The following SCNN1A variants were observed in gnomAD, a reference collection of about 807,000 sequenced individuals.
SCNN1A encodes the protein epithelial sodium channel subunit alpha.
SCNN1A carries 65 observed loss-of-function variants against 68.6 expected under a neutral mutation model. The observed-to-expected ratio is 0.95, with a 90% CI of 0.78 to 1.16. The LOEUF (loss-of-function observed/expected upper bound fraction) is 1.16. Among genes scored for constraint, SCNN1A ranks in the 50% most tolerant of loss-of-function variants. The pLI is 0.00. For missense variants in SCNN1A, 880 were observed against 865.9 expected, an observed-to-expected ratio of 1.02 and a Z score of -0.20; for synonymous variants, 357 against 353.3, an observed-to-expected ratio of 1.01 and a Z score of -0.12.
Position 6,349,311 on chromosome 12 carries a change from G to C in SCNN1A, c.1439+16C>G. 6.2e-7 allele frequency: 1 copy of C among 1,613,632 alleles called. No individual in the cohort carries two copies. The highest frequency in any genetic ancestry group is 8.5e-7 in the Non-Finnish European group (1 of 1,179,636). On this transcript the variant is annotated intron_variant, in intron 9 of 12. Transcript: ENST00000228916. ...TGTATTCTACCCAACCTGTACCCGG[G>C]GAAGGGGACACTAACCTGCATGGCT...
rs1289934352 is a variant in SCNN1A, at chr12:6,351,300, G to A, written c.1361-1895C>T. 6.6e-6 allele frequency among the ~76,000 whole-genome samples: 1 copy of A among 152,116 alleles called. No homozygotes were observed. Among genetic ancestry groups the A allele is most frequent in the South Asian group, 2.1e-4 (1 of 4,826 alleles). On this transcript the variant is annotated intron_variant, in intron 8 of 12. Coordinates refer to ENST00000228916, the MANE Select transcript of SCNN1A (RefSeq NM_001038.6). This position sits in a 1 kb window ranked among gnomAD's most constrained non-coding sequence, Gnocchi z 4.2. ...TAAGTGAAATAAGGCAGACACGAGG[G>A]TCACACACTCTAAGATTCCATCTAT... is the stretch of plus-strand genomic sequence containing the variant.
At position 6,374,856 on chromosome 12, in the gene SCNN1A, G is replaced by T. The variant is rs1434173867; in HGVS notation, c.-54-19C>A. The stretch of plus-strand genomic sequence containing the variant: ...TGTTCCCCTTCATGAGCCCCGGAGT[G>T]GATTGGGGAGAGCAAGGGTCAGGGT... On this transcript the variant is annotated intron_variant, in intron 1 of 12. Transcript: ENST00000228916. The surrounding 1 kb of genome is among the most constrained non-coding windows in gnomAD (Gnocchi z 6.2). 4 of 1,614,120 alleles carry T rather than the reference G, an allele frequency of 2.5e-6. No homozygotes were observed. Among genetic ancestry groups the T allele is most frequent in the Non-Finnish European group, 3.4e-6 (4 of 1,180,014 alleles).
chr12:6,364,713 G>A lies in SCNN1A; in HGVS notation c.417-1003C>T, dbSNP rs550368432. 6.6e-5 allele frequency among the ~76,000 whole-genome samples: 10 copies of A among 151,206 alleles called. No individual in the cohort carries two copies. The South Asian group carries it at 2.1e-3, about 31-fold the overall frequency. ...GGAGACAGAGCTTGCAGTGAGCCGA[G>A]ATCGCGCCACTACACTCCAGCCTGG... On this transcript the variant is annotated intron_variant, in intron 2 of 12. Coordinates refer to ENST00000228916, the MANE Select transcript of SCNN1A (RefSeq NM_001038.6).
Position 6,374,247 on chromosome 12 carries a change from G to T in SCNN1A, c.416+121C>A. The T allele has an allele frequency of 9.0e-7, 1 of 1,111,616 alleles. No individual in the cohort carries two copies. Among genetic ancestry groups the T allele is most frequent in the Non-Finnish European group, 1.3e-6 (1 of 768,250 alleles). The allele number at this position is 1,111,616 out of a possible 1,614,324, so 68.9% of individuals were successfully genotyped here. A position where few individuals can be genotyped will look rare whatever the true frequency, so the allele number is the denominator to read the frequency against. ...TTTTGCCAGCAGTGAGCTCTACCTG[G>T]GACAGGGGTGTCAGTTCCCACCCTC... On this transcript the variant is annotated intron_variant, in intron 2 of 12. Transcript: ENST00000228916. This position sits in a 1 kb window ranked among gnomAD's most constrained non-coding sequence, Gnocchi z 6.2.
intron 2 of SCNN1A, among the ~76,000 whole-genome samples, chr12:6,366,412 T>G (rs1238761587): frequency 2.6e-5 from 4 of 152,206 alleles, no homozygotes. Flanking sequence ...GTCCATCAAT[T>G]GATGAACATA....
rs746127608 is a variant in SCNN1A, at chr12:6,374,327, C to T, written c.416+41G>A. ...ACCTCAGCACCCTGGACCACCCTTC[C>T]AGGCGCAGGCACCAGGGAAGGGGCA... On this transcript the variant is annotated intron_variant, in intron 2 of 12. Transcript: ENST00000228916. The surrounding 1 kb of genome is among the most constrained non-coding windows in gnomAD (Gnocchi z 6.2). 1 of 1,606,872 alleles carries T rather than the reference C, an allele frequency of 6.2e-7. No individual in the cohort carries two copies. Among genetic ancestry groups the T allele is most frequent in the Non-Finnish European group, 8.5e-7 (1 of 1,175,368 alleles).
In SCNN1A at chr12:6,363,299, T is replaced by TC. The variant is rs1040196946; in HGVS notation, c.684+143_684+144insG. 1.2e-5 allele frequency: 7 copies of TC among 565,984 alleles called. No individual in the cohort carries two copies. The African/African-American group carries it at 1.4e-4, about 11-fold the overall frequency. 35.1% of individuals were successfully genotyped at this position (565,984 alleles called of 1,614,324 possible). A position where few individuals can be genotyped will look rare whatever the true frequency, so the allele number is the denominator to read the frequency against. On this transcript the variant is annotated intron_variant, in intron 3 of 12. Transcript: ENST00000228916. Reference sequence around the variant, plus strand: ...TAGTTATTATTTGTATTTATTTACTTTTTTTTTTGCCCGCGAGCCCACGAG... The same window carrying TC: ...TAGTTATTATTTGTATTTATTTACTTCTTTTTTTTGCCCGCGAGCCCACGAG...
At chr12:6,365,833 A>G (rs577593261) in intron 2 of SCNN1A, among the ~76,000 whole-genome samples, 2 of 152,316 alleles carry the variant, frequency 1.3e-5, no homozygotes, top group East Asian at 3.9e-4. Flanking sequence ...TCCCTAGAAC[A>G]ACCGTATGTA....
At chr12:6,362,438 G>A (rs1319451946) in intron 3 of SCNN1A, among the ~76,000 whole-genome samples, 197 bp from the exon 4 acceptor site, 2 of 152,152 alleles carry the variant, frequency 1.3e-5, no homozygotes. Context: ...GGGATTAAGG[G>A]AGTTGCAGGC....
intron 8 of SCNN1A, among the ~76,000 whole-genome samples, chr12:6,353,527 T>C (rs2136862089): frequency 6.6e-6 from 1 of 152,214 alleles, no homozygotes; most frequent in African/African-American, 2.4e-5. Flanking sequence ...CTGGAGGTTT[T>C]CTCACGTGCT....
At chr12:6,363,067 T>G (rs903904022) in intron 3 of SCNN1A, among the ~76,000 whole-genome samples, 1 of 144,942 alleles carries the variant, frequency 6.9e-6, no homozygotes, top group African/African-American at 2.6e-5. Context: ...CCTAACTGAG[T>G]CCCACTAGTG....
At position 6,355,493 on chromosome 12, in the gene SCNN1A, AG is replaced by A; in HGVS notation, c.980-59del. 4 of 1,583,488 alleles carry A rather than the reference AG, an allele frequency of 2.5e-6. No individual in the cohort carries two copies. In the Admixed American group the frequency reaches 7.0e-5, roughly 28 times the overall value. On this transcript the variant is annotated intron_variant, in intron 5 of 12. Coordinates refer to ENST00000228916, the MANE Select transcript of SCNN1A (RefSeq NM_001038.6). ...GCGGGAATCCTAGAAAAGAGTTAGG[AG>A]ATGGAAATCCACTCTCCCTTCCTTG...
Position 6,352,063 on chromosome 12 carries a change from G to C in SCNN1A, c.1360+2375C>G, listed in dbSNP as rs56888996. On this transcript the variant is annotated intron_variant, in intron 8 of 12. Coordinates refer to ENST00000228916, the MANE Select transcript of SCNN1A (RefSeq NM_001038.6). ...ACTGTGCCTGGCTTGAGTGAGTACA[G>C]GGTTTCTTTTGGGAACACTAAAAAT... Among the ~76,000 whole-genome samples the C allele has an allele frequency of 2.0e-5, 3 of 152,010 alleles. No homozygotes were observed. The East Asian group carries it at 5.8e-4, about 29-fold the overall frequency.
rs771170845 is a variant in SCNN1A at position 6,363,564 on chromosome 12, A to T, written c.563T>A (p.Leu188Ter). The T allele has an allele frequency of 6.2e-7, 1 of 1,611,242 alleles. No homozygotes were observed. The highest frequency in any genetic ancestry group is 8.5e-7 in the Non-Finnish European group (1 of 1,178,894). Residue 188 changes from leucine (L) to a stop codon, truncating the protein, a stop_gained, in exon 3 of 13, where the codon TTG becomes TAG. Transcript: ENST00000228916. LOFTEE classifies it high-confidence loss of function. Reference protein sequence around the residue: ...RDLRGTLPHPLQRLRVPPPPH... With the variant: ...RDLRGTLPHP ...CGGGGGCGGGACCCTCAGGCGCTGCAAGGGGTGCGGCAGAGTCCCCCGCAG... is the reference window on the plus strand; with the variant it reads ...CGGGGGCGGGACCCTCAGGCGCTGCTAGGGGTGCGGCAGAGTCCCCCGCAG...
Position 6,347,857 on chromosome 12 carries a change from A to C in SCNN1A, c.*16T>G, listed in dbSNP as rs767075981. The C allele has an allele frequency of 3.5e-5, 56 of 1,596,112 alleles. No homozygotes were observed. The highest frequency in any genetic ancestry group is 4.5e-5 in the Non-Finnish European group (53 of 1,170,342). On this transcript the variant is annotated 3_prime_UTR_variant, in exon 13 of 13. Transcript: ENST00000228916. ...GAGGAGCATCTGCCTTGGTGTGAGA[A>C]ACCTCTCCTTCCCTCTCAGGGCCCC...
intron 6 of SCNN1A, 63 bp downstream of exon 6, chr12:6,355,209 C>A: frequency 6.4e-7 from 1 of 1,556,752 alleles, no homozygotes; most frequent in Non-Finnish European, 8.7e-7. Flanking sequence ...GCCTCCCATG[C>A]CTCCCCGCTG....
chr12:6,360,705 C>T (rs1165936480), intron 4 of SCNN1A, among the ~76,000 whole-genome samples: 3 of 152,152 alleles, frequency 2.0e-5, no homozygotes, highest in African/African-American at 7.2e-5. Context: ...CAGGCAGAGG[C>T]AGGGAGATGG....
At chr12:6,354,924 G>A in intron 6 of SCNN1A, 76 bp from the exon 7 acceptor site, 1 of 1,233,658 alleles carries the variant, frequency 8.1e-7, no homozygotes, top group Non-Finnish European at 1.2e-6. Flanking sequence ...CTCAGTTCCA[G>A]GTTGTATCTC....
At chr12:6,355,681 G>T in intron 5 of SCNN1A, 96 bp downstream of exon 5, 1 of 976,106 alleles carries the variant, frequency 1.0e-6, no homozygotes, top group Non-Finnish European at 1.7e-6. Context: ...ACAGCAGGCA[G>T]GACCCCTCCC....
Sources: allele counts gnomAD v4.1 joint callset (sites outside exome capture counted in the v4.1 genomes callset), GRCh38; gene constraint gnomAD v4.1.1; non-coding constraint Gnocchi (gnomAD v3.1); transcripts MANE v1.5; gene names NCBI Gene and HGNC (gene_info 2026-07-23, HGNC 2026-07-21).